Variants in KAZN observed in about 807,000 individuals in gnomAD.
KAZN encodes kazrin.
In KAZN, 40 loss-of-function variants were observed where a neutral mutation model predicts 87.4. The observed-to-expected ratio is 0.46, with a 90% CI of 0.36 to 0.60. The LOEUF is 0.60. Ranked by LOEUF, KAZN falls within the 20% of genes least tolerant of loss-of-function variation. The probability of loss-of-function intolerance (pLI) is 0.00; values close to 1 mark genes in which losing one functional copy is unlikely to be tolerated. For missense variants in KAZN, 898 were observed against 1,073.9 expected (o/e 0.84, Z 2.29); for synonymous variants, 466 against 458.3 (o/e 1.02, Z -0.22).
intron 1 of KAZN, among the ~76,000 whole-genome samples, chr1:13,986,424 A>C (rs1639020618): frequency 6.6e-6 from 1 of 152,220 alleles, no homozygotes. Context: ...TATTTACAAA[A>C]TGTTGTTCTG....
rs1638975116 is a variant in KAZN at position 15,063,554 on chromosome 1, C to T, written c.1048-18C>T. On this transcript the variant is annotated intron_variant, in intron 6 of 14. Transcript: ENST00000376030. ...CCTGTCTCTGCTGTTTCATCTTCCT[C>T]TTCTCCTCTGGCTACAGGGCGACAG... 2.5e-6 allele frequency: 4 copies of T among 1,612,254 alleles called. No individual in the cohort carries two copies. Among genetic ancestry groups the T allele is most frequent in the East Asian group, 2.2e-5 (1 of 44,860 alleles).
intron 1 of KAZN, among the ~76,000 whole-genome samples, chr1:14,719,775 G>T (rs956396317): frequency 1.3e-5 from 2 of 152,298 alleles, no homozygotes; most frequent in Middle Eastern, 3.4e-3. Flanking sequence ...GGAGGTGGAG[G>T]TTGCGGTGAG....
intron 1 of KAZN, among the ~76,000 whole-genome samples, chr1:14,661,095 A>G (rs1248763223): frequency 6.6e-6 from 1 of 152,148 alleles, no homozygotes; most frequent in Non-Finnish European, 1.5e-5. Context: ...ACTAGATCTC[A>G]TTGAAATGTC....
At chr1:14,239,874 C>A (rs1289526247) in intron 2 of KAZN, among the ~76,000 whole-genome samples, 1 of 152,078 alleles carries the variant, frequency 6.6e-6, no homozygotes, top group Non-Finnish European at 1.5e-5. Context: ...GTGCTGCTGG[C>A]ATTTAATGGG....
intron 1 of KAZN, among the ~76,000 whole-genome samples, chr1:14,023,728 T>C (rs1640948724): frequency 6.6e-6 from 1 of 152,056 alleles, no homozygotes; most frequent in Non-Finnish European, 1.5e-5. Flanking sequence ...GGAGGTAGAA[T>C]TGAGTGACAG....
intron 1 of KAZN, among the ~76,000 whole-genome samples, chr1:14,859,683 G>A (rs766524568): frequency 4.6e-5 from 7 of 152,172 alleles, no homozygotes; most frequent in Non-Finnish European, 7.3e-5. Context: ...GCCCTTATCT[G>A]TCAATGTCTT....
intron 2 of KAZN, among the ~76,000 whole-genome samples, chr1:14,521,922 C>T (rs1671612228): frequency 6.6e-6 from 1 of 152,160 alleles, no homozygotes; most frequent in Non-Finnish European, 1.5e-5. Context: ...TTTTCGGAGA[C>T]ATCAGCACAT....
At chr1:14,883,355 A>AGAGAGAGAAAG (rs1553150619) in intron 1 of KAZN, among the ~76,000 whole-genome samples, 2 of 20,620 alleles carry the variant, frequency 9.7e-5, no homozygotes, top group South Asian at 3.4e-3. Flanking sequence ...AGAAAGAAAG[A>AGAGAGAGAAAG]AAAGAAAGAA....
At chr1:14,007,755 A>G (rs1640098126) in intron 1 of KAZN, among the ~76,000 whole-genome samples, 1 of 152,216 alleles carries the variant, frequency 6.6e-6, no homozygotes. Context: ...TTTTGTAGTC[A>G]TGGACAAATA....
intron 3 of KAZN, among the ~76,000 whole-genome samples, chr1:15,042,235 C>T (rs1222975800): frequency 1.3e-5 from 2 of 152,174 alleles, no homozygotes; most frequent in South Asian, 2.1e-4. Flanking sequence ...TCTTGTACAC[C>T]AGCGGGTTCT....
chr1:14,826,160 C>A (rs375305274), intron 1 of KAZN, among the ~76,000 whole-genome samples: 30 of 152,150 alleles, frequency 2.0e-4, no homozygotes, highest in African/African-American at 7.0e-4. Flanking sequence ...AGCCCGTGCA[C>A]CCCCATCTGA....
chr1:14,541,729 G>A (rs1222428076), intron 2 of KAZN, among the ~76,000 whole-genome samples: 1 of 152,200 alleles, frequency 6.6e-6, no homozygotes, highest in Non-Finnish European at 1.5e-5. Context: ...GTCTGTTCCA[G>A]CCCCTGAGTT....
At chr1:14,188,810 T>C (rs1481466035) in intron 2 of KAZN, among the ~76,000 whole-genome samples, 1 of 152,208 alleles carries the variant, frequency 6.6e-6, no homozygotes, top group East Asian at 1.9e-4. Flanking sequence ...TGCCAATATT[T>C]TTTTCCACCA....
In KAZN at chr1:14,060,065, T is replaced by C. The variant is rs564700794; in HGVS notation, c.92-120370T>C. The stretch of plus-strand genomic sequence containing the variant: ...AACAGTTTGGATTTCCATGATTGTA[T>C]AGTTCTTTTAAGAATGAGCCTGGGG... On this transcript the variant is annotated intron_variant, in intron 1 of 16. Coordinates refer to the KAZN transcript ENST00000636203. Among the ~76,000 whole-genome samples, 8 of 152,198 alleles carry C rather than the reference T, an allele frequency of 5.3e-5. No individual in the cohort carries two copies. In the South Asian group the frequency reaches 1.7e-3, roughly 32 times the overall value.
At chr1:14,850,084 C>T (rs976315859) in intron 1 of KAZN, among the ~76,000 whole-genome samples, 14 of 151,978 alleles carry the variant, frequency 9.2e-5, no homozygotes, top group East Asian at 7.8e-4. Context: ...TACAGGTGTA[C>T]GCCACCACAC....
In KAZN at chr1:14,949,017, C is replaced by T. The variant is rs572948762; in HGVS notation, c.227-11667C>T. ...ACAAAAAATACAAACATTAGAAGGG[C>T]GTTGTAGCACATGCCTGTAATCCCA... On this transcript the variant is annotated intron_variant, in intron 1 of 14. Transcript: ENST00000376030. The surrounding 1 kb of genome is among the most constrained non-coding windows in gnomAD (Gnocchi z 4.3). Among the ~76,000 whole-genome samples, 15 of 152,016 alleles carry T rather than the reference C, an allele frequency of 9.9e-5. No homozygotes were observed. The highest frequency in any genetic ancestry group is 2.7e-4 in the African/African-American group (11 of 41,438).
At position 14,190,171 on chromosome 1, in the gene KAZN, G is replaced by A. The variant is rs148682867; in HGVS notation, c.249+9579G>A. Among the ~76,000 whole-genome samples the A allele has an allele frequency of 3.0e-3, 462 of 152,224 alleles. 3 individuals are homozygous for A. The highest frequency in any genetic ancestry group is 0.01 in the African/African-American group (431 of 41,544). On this transcript the variant is annotated intron_variant, in intron 2 of 16. Coordinates refer to the KAZN transcript ENST00000636203. Reference sequence around the variant, plus strand: ...ATCAATTCAGCTGGTCATTACAACAGGTGCATGGTTAATTTGTTCAACAAA... The same window carrying A: ...ATCAATTCAGCTGGTCATTACAACAAGTGCATGGTTAATTTGTTCAACAAA...
chr1:14,497,990 C>A (rs146002437), intron 2 of KAZN, among the ~76,000 whole-genome samples: 2 of 152,284 alleles, frequency 1.3e-5, no homozygotes, highest in African/African-American at 4.8e-5. Context: ...CAGCCTGGCA[C>A]CAATTTCTAT....
chr1:14,155,214 GT>G (rs139583752), intron 1 of KAZN, among the ~76,000 whole-genome samples: 31,718 of 152,008 alleles, frequency 0.21, 3,707 homozygotes, highest in East Asian at 0.35. Context: ...CTCATTACTT[GT>G]TATTGGTCTG....
Sources: allele counts gnomAD v4.1 joint callset (sites outside exome capture counted in the v4.1 genomes callset), GRCh38; gene constraint gnomAD v4.1.1; non-coding constraint Gnocchi (gnomAD v3.1); transcripts MANE v1.5; gene names NCBI Gene and HGNC (gene_info 2026-07-23, HGNC 2026-07-21).